Variants in RNPS1 observed in about 807,000 individuals in gnomAD.
RNPS1 encodes RNA-binding protein with serine-rich domain 1.
For synonymous variants in RNPS1, 147 were observed against 150.0 expected, an observed-to-expected ratio of 0.98 and a Z score of 0.15; for missense variants, 300 against 427.6, an observed-to-expected ratio of 0.70 and a Z score of 2.63.
intron 1 of RNPS1, chr16:2,265,364 T>C (rs989589767): frequency 1.3e-5 from 2 of 152,150 alleles, no homozygotes; most frequent in African/African-American, 4.8e-5. Flanking sequence ...GCATATTGAG[T>C]GCAGGGGAAG....
Position 2,253,415 on chromosome 16 carries a change from G to A in RNPS1, c.*549C>T, listed in dbSNP as rs113268488. The A allele has an allele frequency of 6.6e-3, 1,179 of 178,744 alleles. 13 individuals are homozygous for A. The highest frequency in any genetic ancestry group is 0.027 in the African/African-American group (1,142 of 41,778). The allele number at this position is 178,744 out of a possible 1,614,324, so 11.1% of individuals were successfully genotyped here. On this transcript the variant is annotated 3_prime_UTR_variant, in exon 8 of 8. Coordinates refer to ENST00000320225, the MANE Select transcript of RNPS1 (RefSeq NM_080594.4). ...AGTACAGTGGTGGGGTGCGGTGTGTGCATCGGTGCACGGACAGACAGAACC... is the reference window on the plus strand; with the variant it reads ...AGTACAGTGGTGGGGTGCGGTGTGTACATCGGTGCACGGACAGACAGAACC...
intron 3 of RNPS1, among the ~76,000 whole-genome samples, chr16:2,263,617 C>A (rs2093612476): frequency 6.6e-6 from 1 of 152,158 alleles, no homozygotes; most frequent in Non-Finnish European, 1.5e-5. Context: ...CTGACCCAGG[C>A]TAGGTTGATT....
chr16:2,259,375 T>C (rs1304146187), intron 6 of RNPS1, among the ~76,000 whole-genome samples: 1 of 152,258 alleles, frequency 6.6e-6, no homozygotes, highest in Non-Finnish European at 1.5e-5. Context: ...TAAATTATTG[T>C]GTGCCACAGA....
chr16:2,256,047 C>T, intron 6 of RNPS1: 2 of 309,076 alleles, frequency 6.5e-6, no homozygotes, highest in Non-Finnish European at 6.1e-6. Flanking sequence ...ATGGCGTGAA[C>T]CCGGGAGGCA....
rs1185520748 is a variant in RNPS1, at chr16:2,267,064, A to C, written c.-118+991T>G. 1.3e-5 allele frequency: 8 copies of C among 616,644 alleles called. No individual in the cohort carries two copies. The South Asian group carries it at 2.2e-4, about 17-fold the overall frequency. The allele number at this position is 616,644 out of a possible 1,614,324, so 38.2% of individuals were successfully genotyped here. On this transcript the variant is annotated intron_variant, in intron 1 of 7. Coordinates refer to ENST00000320225, the MANE Select transcript of RNPS1 (RefSeq NM_080594.4). ...GCCCGAATGTACTTGGTGAAATCAA[A>C]CACCACCAGTTATTCTTAAGCACTC...
intron 1 of RNPS1, chr16:2,266,809 T>C (rs1190073956): frequency 6.6e-6 from 4 of 609,996 alleles, no homozygotes; most frequent in African/African-American, 6.0e-5. Flanking sequence ...GTTTGACACA[T>C]CCAAAATATT....
chr16:2,264,050 G>T, intron 3 of RNPS1, 126 bp downstream of exon 3: 1 of 1,167,138 alleles, frequency 8.6e-7, no homozygotes, highest in Non-Finnish European at 1.2e-6. Context: ...CATAAATTAG[G>T]GTCTCTACTA....
intron 7 of RNPS1, 68 bp from the exon 8 acceptor site, chr16:2,254,131 C>T: frequency 8.7e-7 from 1 of 1,145,530 alleles, no homozygotes; most frequent in Non-Finnish European, 1.2e-6. Context: ...TCTTTCTGGG[C>T]AATTCCCCAT....
intron 1 of RNPS1, 104 bp from the exon 2 acceptor site, chr16:2,264,864 G>C (rs1343213850): frequency 5.4e-6 from 5 of 921,986 alleles, no homozygotes; most frequent in Non-Finnish European, 7.7e-6. Flanking sequence ...AAGGGAGCAC[G>C]GTAAGCAATA....
At chr16:2,258,203 G>T in intron 6 of RNPS1, 2 of 152,130 alleles carry the variant, frequency 1.3e-5, no homozygotes, top group South Asian at 4.2e-4. Flanking sequence ...GAAACTTCTG[G>T]TTCTCAGAAA....
intron 1 of RNPS1, chr16:2,267,117 G>A (rs2093628103): frequency 1.1e-6 from 1 of 880,724 alleles, no homozygotes. Flanking sequence ...TGAGTAAGCG[G>A]ACGCCTTGCT....
Position 2,255,611 on chromosome 16 carries a change from G to A in RNPS1, c.792C>T (p.Arg264=). Residue 264 remains arginine (R), a synonymous_variant, in exon 7 of 8, where the codon CGC becomes CGT. Coordinates refer to ENST00000320225, the MANE Select transcript of RNPS1 (RefSeq NM_080594.4). ...RRMLPPPPMW[R]RSPPRMRRRS... is the part of the protein sequence containing the mutation. The stretch of plus-strand genomic sequence containing the variant: ...TTCTCCTCATCCGTGGGGGAGACCT[G>A]CGCCACATAGGCGGTGGTGGCAACA... 6.2e-7 allele frequency: 1 copy of A among 1,602,452 alleles called. No homozygotes were observed. Among genetic ancestry groups the A allele is most frequent in the East Asian group, 2.2e-5 (1 of 44,808 alleles).
At chr16:2,265,480 C>A (rs1385985053) in intron 1 of RNPS1, 1 of 141,360 alleles carries the variant, frequency 7.1e-6, no homozygotes, top group African/African-American at 2.6e-5. Flanking sequence ...AGACTATTAA[C>A]CTCTGATTTT....
intron 1 of RNPS1, chr16:2,267,447 G>A: frequency 5.2e-6 from 5 of 967,980 alleles, no homozygotes; most frequent in Non-Finnish European, 6.1e-6. Context: ...ACTGAGCTCG[G>A]CCACCGTGCT....
intron 6 of RNPS1, among the ~76,000 whole-genome samples, chr16:2,261,773 TC>T (rs1440689219): frequency 6.6e-6 from 1 of 152,096 alleles, no homozygotes; most frequent in Admixed American, 6.6e-5. Flanking sequence ...GGAAGAAAAC[TC>T]CCCAAACTGC....
intron 7 of RNPS1, 109 bp downstream of exon 7, chr16:2,255,476 G>T: frequency 7.6e-7 from 1 of 1,320,690 alleles, no homozygotes; most frequent in Non-Finnish European, 1.0e-6. Flanking sequence ...CTCTCTGCCA[G>T]CCCGCACAGC....
At chr16:2,260,466 A>T (rs1202234306) in intron 6 of RNPS1, among the ~76,000 whole-genome samples, 1 of 152,160 alleles carries the variant, frequency 6.6e-6, no homozygotes, top group Admixed American at 6.6e-5. Context: ...AAGTGCAATA[A>T]AAATCCGTTT....
intron 1 of RNPS1, 60 bp from the exon 2 acceptor site, chr16:2,264,820 T>C (rs2093618533): frequency 1.4e-6 from 2 of 1,390,908 alleles, no homozygotes; most frequent in Non-Finnish European, 1.9e-6. Context: ...CAAGTCTACT[T>C]TGCAGTCAAA....
At chr16:2,267,731 T>A (rs1473265358) in intron 1 of RNPS1, 1 of 1,277,896 alleles carries the variant, frequency 7.8e-7, no homozygotes, top group Non-Finnish European at 9.9e-7. Context: ...GGCTTGGGTC[T>A]CCGGCCCGGC....
Sources: gnomAD v4.1 joint callset for allele counts (sites outside exome capture counted in the v4.1 genomes callset) on GRCh38, gnomAD v4.1.1 for gene constraint, MANE v1.5 for transcripts, NCBI Gene and HGNC (gene_info 2026-07-23, HGNC 2026-07-21) for gene names.